TJP1: variants seen among roughly 807,000 people sequenced by gnomAD.
TJP1 encodes the protein tight junction protein 1, also known as tight junction protein ZO-1.
In TJP1, 43 loss-of-function variants were observed where a neutral mutation model predicts 194.2. The observed-to-expected ratio is 0.22, with a 90% CI of 0.17 to 0.29. The LOEUF (loss-of-function observed/expected upper bound fraction) is 0.29, where lower values mean the gene tolerates loss of function less well. TJP1 is among the 10% of genes least tolerant of loss of function. The probability of loss-of-function intolerance (pLI) is 1.00; values close to 1 mark genes in which losing one functional copy is unlikely to be tolerated. For missense variants in TJP1, 1,971 were observed against 2,185.7 expected (o/e 0.90, Z 1.96); for synonymous variants, 801 against 779.0 (o/e 1.03, Z -0.47).
chr15:29,914,614 G>C (rs889029506), intron 2 of TJP1, among the ~76,000 whole-genome samples: 4 of 152,152 alleles, frequency 2.6e-5, no homozygotes, highest in African/African-American at 9.7e-5. Context: ...CCCACGGCCA[G>C]GGAGGGAGGC....
chr15:29,873,731 C>T (rs1263428558), intron 2 of TJP1, among the ~76,000 whole-genome samples: 1 of 152,112 alleles, frequency 6.6e-6, no homozygotes, highest in Non-Finnish European at 1.5e-5. Flanking sequence ...GGCTTTATGG[C>T]CTTTGGGATT....
At chr15:29,881,364 G>A (rs560111814) in intron 2 of TJP1, among the ~76,000 whole-genome samples, 1 of 152,046 alleles carries the variant, frequency 6.6e-6, no homozygotes, top group Non-Finnish European at 1.5e-5. Flanking sequence ...TCAGATACAC[G>A]GTTCACAAAT....
chr15:29,879,664 T>C (rs912230883), intron 2 of TJP1, among the ~76,000 whole-genome samples: 4 of 152,124 alleles, frequency 2.6e-5, no homozygotes, highest in African/African-American at 9.7e-5. Context: ...AGTGATGGAA[T>C]TGTGACATCA....
chr15:29,731,991 TA>T, intron 15 of TJP1: 1 of 168,752 alleles, frequency 5.9e-6, no homozygotes, highest in Non-Finnish European at 1.3e-5. Flanking sequence ...GTTTAATGAC[TA>T]AAAGAGCTGG....
At chr15:29,810,170 A>G (rs1342780507) in intron 1 of TJP1, among the ~76,000 whole-genome samples, 1 of 152,178 alleles carries the variant, frequency 6.6e-6, no homozygotes, top group Non-Finnish European at 1.5e-5. Context: ...CTAACAGATG[A>G]AAAGATATCT....
chr15:29,950,036 ACCACCTCCACCACCACCACCT>A (rs2055625624), intron 2 of TJP1, among the ~76,000 whole-genome samples: 2 of 54,042 alleles, frequency 3.7e-5, no homozygotes, highest in Non-Finnish European at 6.8e-5. Flanking sequence ...CACCTTCACC[ACCACCTCCACCACCACCACCT>A]CCACCACCAC....
chr15:29,836,902 G>C (rs1485432818), intron 2 of TJP1, among the ~76,000 whole-genome samples: 1 of 152,206 alleles, frequency 6.6e-6, no homozygotes, highest in African/African-American at 2.4e-5. Context: ...TGGAAGCAGA[G>C]AGCAGCCCTC....
chr15:29,953,915 G>GC (rs1281332269), intron 2 of TJP1, among the ~76,000 whole-genome samples: 1 of 152,134 alleles, frequency 6.6e-6, no homozygotes, highest in Non-Finnish European at 1.5e-5. Flanking sequence ...CGTCCATGAA[G>GC]CCAAGGGAAC....
intron 2 of TJP1, among the ~76,000 whole-genome samples, chr15:29,843,246 T>C (rs2051293956): frequency 6.6e-6 from 1 of 151,894 alleles, no homozygotes; most frequent in African/African-American, 2.4e-5. Flanking sequence ...TGGAGTGCAA[T>C]GGCGCAATCT....
chr15:29,711,576 G>A (rs1403993021), intron 23 of TJP1, among the ~76,000 whole-genome samples: 1 of 152,132 alleles, frequency 6.6e-6, no homozygotes, highest in East Asian at 1.9e-4. Context: ...ACGTTGTCCA[G>A]GCTGGTCTTG....
intron 1 of TJP1, among the ~76,000 whole-genome samples, chr15:29,806,078 G>A (rs1468204134): frequency 6.6e-6 from 1 of 152,128 alleles, no homozygotes; most frequent in Non-Finnish European, 1.5e-5. Flanking sequence ...AATTTTCGAC[G>A]ATCAAATGAT....
At chr15:29,966,229 G>A (rs553707215) in intron 1 of TJP1, among the ~76,000 whole-genome samples, 9 of 152,126 alleles carry the variant, frequency 5.9e-5, no homozygotes, top group Admixed American at 1.3e-4. Context: ...TGGCCCGCGC[G>A]CAGTGGCTCA....
intron 2 of TJP1, among the ~76,000 whole-genome samples, chr15:29,874,645 A>G (rs2152121255): frequency 6.6e-6 from 1 of 152,324 alleles, no homozygotes; most frequent in African/African-American, 2.4e-5. Context: ...GAAATTCTCT[A>G]AGTCCAGAAA....
intron 10 of TJP1, chr15:29,740,935 A>G (rs564161125): frequency 5.7e-6 from 1 of 174,102 alleles, no homozygotes; most frequent in African/African-American, 2.4e-5. Context: ...GCCACAATGC[A>G]CAGGACAGCC....
At chr15:29,917,874 A>C (rs530212311) in intron 2 of TJP1, among the ~76,000 whole-genome samples, 2 of 152,322 alleles carry the variant, frequency 1.3e-5, no homozygotes, top group South Asian at 4.2e-4. Flanking sequence ...TAAAATAAAC[A>C]GTTCAGCGAC....
At chr15:29,941,175 C>G (rs926002122) in intron 2 of TJP1, among the ~76,000 whole-genome samples, 1 of 152,198 alleles carries the variant, frequency 6.6e-6, no homozygotes, top group Non-Finnish European at 1.5e-5. Flanking sequence ...GGCAGGCCCA[C>G]GCTGCCTTTG....
chr15:29,838,481 C>G (rs549661540), intron 2 of TJP1, among the ~76,000 whole-genome samples: 1 of 152,180 alleles, frequency 6.6e-6, no homozygotes, highest in East Asian at 1.9e-4. Context: ...TACAAGCTAC[C>G]CACACCCAGC....
chr15:29,714,932 G>A (rs765255160), intron 23 of TJP1, among the ~76,000 whole-genome samples: 2 of 152,166 alleles, frequency 1.3e-5, no homozygotes, highest in Non-Finnish European at 2.9e-5. Flanking sequence ...GCCTTCTTCT[G>A]ACAGGAATGA....
At chr15:29,820,731 C>T (rs2050275564) in intron 1 of TJP1, 1 of 593,234 alleles carries the variant, frequency 1.7e-6, no homozygotes. Context: ...AAAACCAAAG[C>T]AAAATGTTGC....
Sources: gnomAD v4.1 joint callset for allele counts (sites outside exome capture counted in the v4.1 genomes callset) on GRCh38, gnomAD v4.1.1 for gene constraint, MANE v1.5 for transcripts, NCBI Gene and HGNC (gene_info 2026-07-23, HGNC 2026-07-21) for gene names.